Variants in MAP2 observed in about 807,000 individuals in gnomAD.
MAP2 encodes the protein microtubule associated protein 2.
A neutral mutation model predicts 137.6 loss-of-function variants in MAP2; 14 were observed. The observed-to-expected ratio is 0.10, with a 90% CI of 0.07 to 0.16. The LOEUF (loss-of-function observed/expected upper bound fraction) is 0.16. Ranked by LOEUF, MAP2 falls within the 10% of genes least tolerant of loss-of-function variation. MAP2 has a pLI of 1.00. For synonymous variants in MAP2, 786 were observed against 782.3 expected (o/e 1.00, Z -0.08); for missense variants, 2,088 against 2,191.5 (o/e 0.95, Z 0.94).
chr2:209,592,263 T>C (rs2079467491), intron 3 of MAP2, among the ~76,000 whole-genome samples: 1 of 152,126 alleles, frequency 6.6e-6, no homozygotes, highest in African/African-American at 2.4e-5. Context: ...AAAGAAACCA[T>C]AGATAATAAG....
At chr2:209,674,582 T>TA (rs1357569857) in intron 5 of MAP2, among the ~76,000 whole-genome samples, 1 of 151,574 alleles carries the variant, frequency 6.6e-6, no homozygotes, top group Non-Finnish European at 1.5e-5. Flanking sequence ...ATGTGTGCTG[T>TA]AAAAAAACAG....
chr2:209,646,490 G>A (rs1337250282), intron 4 of MAP2, among the ~76,000 whole-genome samples: 1 of 152,060 alleles, frequency 6.6e-6, no homozygotes, highest in Non-Finnish European at 1.5e-5. Context: ...TCTTAGGCCT[G>A]GAAAATGCTA....
intron 13 of MAP2, among the ~76,000 whole-genome samples, chr2:209,718,522 G>A (rs954439998): frequency 2.7e-5 from 4 of 150,882 alleles, no homozygotes; most frequent in African/African-American, 7.3e-5. Context: ...TTACAAATAC[G>A]TAAAAATGGG....
At chr2:209,630,258 A>T (rs369861614) in intron 4 of MAP2, among the ~76,000 whole-genome samples, 95 of 152,262 alleles carry the variant, frequency 6.2e-4, no homozygotes, top group African/African-American at 1.9e-3. Flanking sequence ...ATCAGCCAGG[A>T]ACTAAGGCCA....
intron 3 of MAP2, among the ~76,000 whole-genome samples, chr2:209,613,097 A>G (rs530517522): frequency 6.6e-5 from 10 of 152,246 alleles, no homozygotes; most frequent in African/African-American, 2.4e-4. Context: ...ATCTCCAGAC[A>G]ATCAGTGAGA....
intron 7 of MAP2, among the ~76,000 whole-genome samples, chr2:209,688,693 G>C (rs907868118): frequency 6.6e-6 from 1 of 152,106 alleles, no homozygotes; most frequent in African/African-American, 2.4e-5. Context: ...AGTAGGTGAT[G>C]GGCTGCAATG....
In MAP2 at chr2:209,477,144, G is replaced by A. The variant is rs13407668; in HGVS notation, c.-221-30448G>A. Among the ~76,000 whole-genome samples the A allele has an allele frequency of 7.2e-3, 1,089 of 152,244 alleles. 16 individuals carry two copies. The highest frequency in any genetic ancestry group is 0.025 in the African/African-American group (1,042 of 41,558). On this transcript the variant is annotated intron_variant, in intron 1 of 15. Coordinates refer to ENST00000682079, the MANE Select transcript of MAP2 (RefSeq NM_001375505.1). ...GCCACCTTGCAGGCCATTGGTGTGC[G>A]TACTGCACAAGTGTTAGTTTCTGTG...
At chr2:209,645,151 A>C (rs1217821932) in intron 4 of MAP2, among the ~76,000 whole-genome samples, 1 of 152,236 alleles carries the variant, frequency 6.6e-6, no homozygotes, top group African/African-American at 2.4e-5. Context: ...TAAAAAACAA[A>C]ATGCAGGAAA....
At chr2:209,644,460 C>G (rs2094265977) in intron 4 of MAP2, among the ~76,000 whole-genome samples, 1 of 152,158 alleles carries the variant, frequency 6.6e-6, no homozygotes, top group East Asian at 1.9e-4. Context: ...AGATTCAAAA[C>G]TATTCCCCTC....
intron 1 of MAP2, among the ~76,000 whole-genome samples, chr2:209,505,862 C>T (rs1481553940): frequency 6.6e-6 from 1 of 151,884 alleles, no homozygotes; most frequent in African/African-American, 2.4e-5. Flanking sequence ...GTTCCAGCTA[C>T]TACGGAGGCT....
chr2:209,544,853 A>T (rs956645733), intron 2 of MAP2, among the ~76,000 whole-genome samples: 1 of 152,218 alleles, frequency 6.6e-6, no homozygotes, highest in African/African-American at 2.4e-5. Flanking sequence ...GCACATTGAA[A>T]TACAATTACA....
Position 209,658,680 on chromosome 2 carries a change from T to C in MAP2, c.262+5248T>C, listed in dbSNP as rs2710485. Among the ~76,000 whole-genome samples the C allele has an allele frequency of 9.2e-3, 1,398 of 152,142 alleles. 17 individuals carry two copies. The highest frequency in any genetic ancestry group is 0.03 in the African/African-American group (1,255 of 41,508). ...TGCCACCAGGCCTGGCTAATTTTTG[T>C]ATTTTTAGTAGAGACGGGGTTTCAC... On this transcript the variant is annotated intron_variant, in intron 5 of 15. Transcript: ENST00000682079.
At chr2:209,720,348 C>T (rs1019394439) in intron 13 of MAP2, among the ~76,000 whole-genome samples, 2 of 152,070 alleles carry the variant, frequency 1.3e-5, no homozygotes, top group African/African-American at 4.8e-5. Context: ...AAAAATTTTA[C>T]TTGAAATAGG....
chr2:209,627,332 G>C (rs945297996), intron 4 of MAP2, among the ~76,000 whole-genome samples: 6 of 152,112 alleles, frequency 3.9e-5, no homozygotes, highest in Non-Finnish European at 8.8e-5. Context: ...TAGTGAAATA[G>C]TAGACATAGA....
chr2:209,629,640 A>G (rs537571731), intron 4 of MAP2, among the ~76,000 whole-genome samples: 1 of 152,202 alleles, frequency 6.6e-6, no homozygotes, highest in African/African-American at 2.4e-5. Flanking sequence ...TTAGGATATC[A>G]GATGCTTCCA....
At chr2:209,638,811 C>G (rs905913525) in intron 4 of MAP2, among the ~76,000 whole-genome samples, 17 of 152,014 alleles carry the variant, frequency 1.1e-4, no homozygotes, top group African/African-American at 4.1e-4. Flanking sequence ...AGTTTATGGT[C>G]AGAGTCTATA....
intron 5 of MAP2, among the ~76,000 whole-genome samples, chr2:209,673,310 T>C (rs187529428): frequency 1.6e-4 from 25 of 151,972 alleles, no homozygotes; most frequent in Admixed American, 1.5e-3. Context: ...TTTACAGGCA[T>C]GTTATAATAT....
intron 2 of MAP2, among the ~76,000 whole-genome samples, chr2:209,546,170 A>G (rs1399929296): frequency 6.6e-6 from 1 of 152,198 alleles, no homozygotes; most frequent in African/African-American, 2.4e-5. Flanking sequence ...GAAAAAAGAA[A>G]AAAAGAAATG....
chr2:209,567,454 A>G (rs567585448), intron 2 of MAP2, among the ~76,000 whole-genome samples: 3 of 152,244 alleles, frequency 2.0e-5, no homozygotes, highest in South Asian at 2.1e-4. Flanking sequence ...GCAAAACACA[A>G]GAGTGTGGTA....
Sources: allele counts gnomAD v4.1 joint callset (sites outside exome capture counted in the v4.1 genomes callset), GRCh38; gene constraint gnomAD v4.1.1; transcripts MANE v1.5; gene names NCBI Gene and HGNC (gene_info 2026-07-23, HGNC 2026-07-21).